The following DDX42 variants were observed in gnomAD, a reference collection of about 807,000 sequenced individuals.
The protein encoded by DDX42 is DEAD-box helicase 42.
Under a neutral mutation model 101.5 loss-of-function variants are expected in DDX42, and 22 were observed. The observed-to-expected ratio is 0.22, with a 90% CI of 0.15 to 0.31. The LOEUF is 0.31. DDX42 is among the 10% of genes least tolerant of loss of function. The pLI is 1.00. For missense variants in DDX42, 849 were observed against 1,199.9 expected, an observed-to-expected ratio of 0.71 and a Z score of 4.32; for synonymous variants, 402 against 401.2, an observed-to-expected ratio of 1.00 and a Z score of -0.02.
intron 16 of DDX42, chr17:63,816,061 A>G (rs933928291): frequency 6.5e-6 from 1 of 153,280 alleles, no homozygotes; most frequent in African/African-American, 2.4e-5. Context: ...CTGCTAGGTA[A>G]ATGTTGCCAA....
At chr17:63,798,919 C>T (rs1446239326) in intron 4 of DDX42, among the ~76,000 whole-genome samples, 2 of 152,150 alleles carry the variant, frequency 1.3e-5, no homozygotes, top group Non-Finnish European at 1.5e-5. Context: ...TTGCCGGTTG[C>T]CTTAGGAATA....
intron 3 of DDX42, among the ~76,000 whole-genome samples, chr17:63,793,855 T>A (rs988858191): frequency 3.3e-5 from 4 of 121,492 alleles, no homozygotes; most frequent in African/African-American, 1.2e-4. Flanking sequence ...GGCAGAAAAA[T>A]TTATATATAT....
intron 6 of DDX42, among the ~76,000 whole-genome samples, chr17:63,802,910 CAAAAA>C (rs60325980): frequency 7.0e-6 from 1 of 142,574 alleles, no homozygotes; most frequent in African/African-American, 2.6e-5. Context: ...CACTCCATCT[CAAAAA>C]AAAAAAAAAA....
intron 3 of DDX42, among the ~76,000 whole-genome samples, chr17:63,793,855 TTTA>T (rs2039658347): frequency 8.2e-6 from 1 of 121,488 alleles, no homozygotes; most frequent in Admixed American, 7.6e-5. Context: ...GGCAGAAAAA[TTTA>T]TATATATATA....
chr17:63,806,289 A>ATCTT, intron 7 of DDX42: 1 of 309,300 alleles, frequency 3.2e-6, no homozygotes, highest in Non-Finnish European at 5.8e-6. Flanking sequence ...TTGAGTTAAG[A>ATCTT]AATTTTTAAT....
chr17:63,789,960 A>G (rs1482809838), intron 2 of DDX42, among the ~76,000 whole-genome samples: 1 of 152,204 alleles, frequency 6.6e-6, no homozygotes, highest in Non-Finnish European at 1.5e-5. Context: ...AAGTTTTAGC[A>G]AAGTCAGAGA....
intron 15 of DDX42, among the ~76,000 whole-genome samples, chr17:63,814,882 G>A (rs1442940768): frequency 6.6e-6 from 1 of 151,952 alleles, no homozygotes; most frequent in African/African-American, 2.4e-5. Context: ...TAGGGACGGG[G>A]TTTCACCATG....
chr17:63,798,158 G>A, intron 4 of DDX42, 59 bp downstream of exon 4: 1 of 1,517,492 alleles, frequency 6.6e-7, no homozygotes, highest in Non-Finnish European at 9.1e-7. Context: ...GTATTGCAAA[G>A]TCTATTCCCC....
intron 8 of DDX42, 49 bp downstream of exon 8, chr17:63,806,703 A>G: frequency 6.4e-7 from 1 of 1,552,326 alleles, no homozygotes; most frequent in Non-Finnish European, 8.7e-7. Flanking sequence ...GTCTTTCATG[A>G]CTATATTAAT....
At chr17:63,779,192 T>A (rs1041461551) in intron 1 of DDX42, among the ~76,000 whole-genome samples, 2 of 152,210 alleles carry the variant, frequency 1.3e-5, no homozygotes, top group Admixed American at 6.6e-5. Context: ...CAGCAGGAAA[T>A]GAAGAAATCT....
chr17:63,775,107 G>A (rs1050388867), intron 1 of DDX42: 2 of 152,532 alleles, frequency 1.3e-5, no homozygotes, highest in South Asian at 2.1e-4. Context: ...TACACACCCA[G>A]GACTTCCTCA....
intron 12 of DDX42, among the ~76,000 whole-genome samples, chr17:63,810,857 G>T (rs1400841870): frequency 6.6e-6 from 1 of 152,174 alleles, no homozygotes; most frequent in Non-Finnish European, 1.5e-5. Flanking sequence ...GAAATCAAGA[G>T]TCTTTTTCTG....
intron 1 of DDX42, among the ~76,000 whole-genome samples, chr17:63,778,876 T>C (rs940712015): frequency 1.3e-5 from 2 of 152,170 alleles, no homozygotes; most frequent in African/African-American, 4.8e-5. Flanking sequence ...CCTGACCTTG[T>C]GATCCGTCCA....
chr17:63,814,692 T>TG (rs952420545), intron 15 of DDX42, among the ~76,000 whole-genome samples: 3 of 143,440 alleles, frequency 2.1e-5, no homozygotes, highest in Non-Finnish European at 3.0e-5. Flanking sequence ...TTTTTTTTTT[T>TG]TTTTTTCTTT....
intron 9 of DDX42, 150 bp from the exon 10 acceptor site, chr17:63,808,670 A>T: frequency 1.3e-6 from 1 of 769,516 alleles, no homozygotes; most frequent in South Asian, 1.8e-5. Context: ...CCATTCATTT[A>T]TACCTTTATG....
chr17:63,785,183 G>A (rs1490533428), intron 1 of DDX42, among the ~76,000 whole-genome samples: 3 of 151,922 alleles, frequency 2.0e-5, no homozygotes, highest in Non-Finnish European at 4.4e-5. Flanking sequence ...AAAGGGTTTT[G>A]GGGGGCCAGG....
At position 63,817,921 on chromosome 17, in the gene DDX42, G is replaced by A. The variant is rs780755606; in HGVS notation, c.2340G>A (p.Pro780=). 6.8e-6 allele frequency: 11 copies of A among 1,614,182 alleles called. No homozygotes were observed. The highest frequency in any genetic ancestry group is 2.7e-5 in the African/African-American group (2 of 75,044). Residue 780 remains proline, a synonymous_variant, in exon 18 of 18, where the codon CCG becomes CCA. Coordinates refer to ENST00000389924, the MANE Select transcript of DDX42 (RefSeq NM_203499.3). The part of the protein sequence containing the change: ...GNISGAPVTY[P]SAGAQGVNNT... ...TCAGTGGTGCCCCTGTGACCTACCCGTCTGCCGGAGCCCAAGGAGTCAACA... is the reference window on the plus strand; with the variant it reads ...TCAGTGGTGCCCCTGTGACCTACCCATCTGCCGGAGCCCAAGGAGTCAACA...
chr17:63,804,214 G>A (rs1458130725), intron 6 of DDX42, among the ~76,000 whole-genome samples: 5 of 151,894 alleles, frequency 3.3e-5, no homozygotes, highest in Non-Finnish European at 2.9e-5. Flanking sequence ...AGAGGCTGAG[G>A]CAGGAGAATC....
intron 1 of DDX42, among the ~76,000 whole-genome samples, chr17:63,778,060 T>C (rs1464112422): frequency 2.0e-5 from 3 of 152,212 alleles, no homozygotes; most frequent in African/African-American, 7.2e-5. Flanking sequence ...GAAATGTGTG[T>C]TCTGGAAGAA....
Sources: allele counts gnomAD v4.1 joint callset (sites outside exome capture counted in the v4.1 genomes callset), GRCh38; gene constraint gnomAD v4.1.1; transcripts MANE v1.5; gene names NCBI Gene and HGNC (gene_info 2026-07-23, HGNC 2026-07-21).